Variants in SMN1 observed in about 807,000 individuals in gnomAD.
SMN1 encodes survival of motor neuron 1, telomeric, also known as survival motor neuron protein.
For synonymous variants in SMN1, 3 were observed against 5.1 expected (o/e 0.58, Z 0.56); for missense variants, 15 against 17.1 (o/e 0.88, Z 0.22).
chr5:70,952,075 T>C, intron 8 of SMN1, 81 bp downstream of exon 8: 3 of 1,602,680 alleles, frequency 1.9e-6, no homozygotes, highest in Non-Finnish European at 2.6e-6. Flanking sequence ...TTTTGAACAT[T>C]TAAAAAGTTC....
chr5:70,950,451 T>G (rs1225252131), intron 7 of SMN1, among the ~76,000 whole-genome samples: 1 of 149,994 alleles, frequency 6.7e-6, no homozygotes, highest in East Asian at 2.0e-4. Context: ...TTTTTTAAAT[T>G]AATTAGTTTA....
At position 70,952,042 on chromosome 5, in the gene SMN1, T is replaced by C. The variant is rs1403395243; in HGVS notation, c.*3+48T>C. 9.9e-6 allele frequency: 16 copies of C among 1,609,208 alleles called. No homozygotes were observed. The East Asian group carries it at 2.0e-4, about 20-fold the overall frequency. Reference sequence around the variant, plus strand: ...AGTGAATCTTACTTTTGTAAAACTTTATGGTTTGTGGAAAACAAATGTTTT... The same window carrying C: ...AGTGAATCTTACTTTTGTAAAACTTCATGGTTTGTGGAAAACAAATGTTTT... On this transcript the variant is annotated intron_variant, in intron 8 of 8. Transcript: ENST00000380707.
chr5:70,951,526 C>T (rs1285588657), intron 7 of SMN1, among the ~76,000 whole-genome samples: 13 of 150,744 alleles, frequency 8.6e-5, no homozygotes, highest in East Asian at 1.9e-4. Flanking sequence ...CCAACTGTCT[C>T]GGCCTCCCAA....
Position 70,951,981 on chromosome 5 carries a change from C to T in SMN1, c.875C>T (p.Ser292Phe), listed in dbSNP as rs752943507. The T allele has an allele frequency of 5.6e-6, 9 of 1,612,808 alleles. No homozygotes were observed. The highest frequency in any genetic ancestry group is 1.7e-6 in the Non-Finnish European group (2 of 1,179,376). Residue 292 changes from serine (S) to phenylalanine (F), a missense_variant, in exon 8 of 9, where the codon TCC (serine) becomes TTC (phenylalanine). By Grantham distance (155) the Ser-to-Phe change is radical (BLOSUM62 -2). Transcript: ENST00000380707. ...QNQKEGRCSH[S>F]LN ...CAAAAAGAAGGAAGGTGCTCACATT[C>T]CTTAAATTAAGGAGTAAGTCTGCCA...
downstream of SMN1, among the ~76,000 whole-genome samples, chr5:70,957,575 CAT>C (rs1300763141): frequency 4.1e-5 from 6 of 146,680 alleles, no homozygotes; most frequent in Non-Finnish European, 9.0e-5. Context: ...TTGAGATAAT[CAT>C]GTGGTTTTTG....
At position 70,950,175 on chromosome 5, in the gene SMN1, T is replaced by G. The variant is rs1749643881; in HGVS notation, c.835-1766T>G. 1.3e-5 allele frequency among the ~76,000 whole-genome samples: 2 copies of G among 150,040 alleles called. 1 individual carries two copies. The highest frequency in any genetic ancestry group is 1.3e-4 in the Admixed American group (2 of 14,882). The stretch of plus-strand genomic sequence containing the variant: ...GCTCACGCCGGTAATCCCAACACTT[T>G]GGGAGGCCAAGGCGGGTGAATCACC... On this transcript the variant is annotated intron_variant, in intron 7 of 8. Coordinates refer to ENST00000380707, the MANE Select transcript of SMN1 (RefSeq NM_000344.4).
At chr5:70,955,717 G>A (rs1467241692), downstream of SMN1, among the ~76,000 whole-genome samples, 2 of 148,272 alleles carry the variant, frequency 1.3e-5, no homozygotes, top group Admixed American at 6.7e-5. Context: ...CCCAGGAGGC[G>A]GAGGTTGCAG....
chr5:70,954,618 C>T (rs1193293457), downstream of SMN1, among the ~76,000 whole-genome samples: 1 of 31,518 alleles, frequency 3.2e-5, no homozygotes, highest in Non-Finnish European at 7.2e-5. Context: ...TTTGGGAGGC[C>T]GAGGCGGGTG....
At chr5:70,950,918 C>T (rs572894032) in intron 7 of SMN1, among the ~76,000 whole-genome samples, 5 of 151,012 alleles carry the variant, frequency 3.3e-5, no homozygotes, top group East Asian at 3.9e-4. Flanking sequence ...GGATTATAGG[C>T]GTGAGCCACT....
downstream of SMN1, among the ~76,000 whole-genome samples, chr5:70,958,913 C>T (rs1331256082): frequency 2.0e-5 from 3 of 149,980 alleles, no homozygotes; most frequent in Non-Finnish European, 4.5e-5. Context: ...TGGGTATATA[C>T]CCAAAGGACT....
At chr5:70,955,295 T>A (rs1339538265), downstream of SMN1, among the ~76,000 whole-genome samples, 3 of 141,444 alleles carry the variant, frequency 2.1e-5, no homozygotes, top group African/African-American at 7.7e-5. Flanking sequence ...TTTTTGGTAG[T>A]GACATGATCT....
At chr5:70,960,204 CTATT>C in the SMN1 span, among the ~76,000 whole-genome samples, 4 of 150,122 alleles carry the variant, frequency 2.7e-5, no homozygotes, top group Admixed American at 1.3e-4. Context: ...ACCATTTTAA[CTATT>C]TGTTTTTATT....
intron 1 of SMN1, among the ~76,000 whole-genome samples, chr5:70,935,776 A>AAC (rs1252639650): frequency 6.8e-6 from 1 of 147,592 alleles, no homozygotes; most frequent in East Asian, 2.0e-4. Context: ...AACAAAACAA[A>AAC]AAAAAAACAG....
chr5:70,955,701 C>T (rs1261693205), downstream of SMN1, among the ~76,000 whole-genome samples: 7 of 148,250 alleles, frequency 4.7e-5, 2 homozygotes, highest in African/African-American at 1.8e-4. Context: ...ATGAGAATCA[C>T]TTGAACCCAG....
chr5:70,958,859 G>T (rs1040234338), downstream of SMN1, among the ~76,000 whole-genome samples: 20 of 150,204 alleles, frequency 1.3e-4, 2 homozygotes, highest in Admixed American at 5.3e-4. Context: ...GATTCCTCAG[G>T]GATCTAGAAC....
In SMN1 at chr5:70,948,241, G is replaced by GTTTACC. The variant is rs1195794702; in HGVS notation, c.834+2069_834+2074dup. Among the ~76,000 whole-genome samples the GTTTACC allele has an allele frequency of 1.4e-5, 2 of 141,242 alleles. 1 individual carries two copies. Among genetic ancestry groups the GTTTACC allele is most frequent in the African/African-American group, 5.4e-5 (2 of 36,844 alleles). 92.7% of individuals were successfully genotyped at this position (141,242 alleles called of 152,430 possible). On this transcript the variant is annotated intron_variant, in intron 7 of 8. Coordinates refer to ENST00000380707, the MANE Select transcript of SMN1 (RefSeq NM_000344.4). ...TGAGAAATAATTCACATGGTGTGCA[G>GTTTACC]TTTACCTTTGAAAGTATACAAGTTG...
intron 5 of SMN1, among the ~76,000 whole-genome samples, chr5:70,943,810 A>T (rs1334286907): frequency 6.9e-6 from 1 of 144,138 alleles, no homozygotes; most frequent in Non-Finnish European, 1.6e-5. Flanking sequence ...TTTTTTCGAG[A>T]TGGAGTCTTG....
At chr5:70,957,561 T>G (rs1379541712), downstream of SMN1, among the ~76,000 whole-genome samples, 1 of 148,330 alleles carries the variant, frequency 6.7e-6, no homozygotes, top group Non-Finnish European at 1.5e-5. Context: ...CTTTTCTGCA[T>G]CTATTGAGAT....
intron 7 of SMN1, among the ~76,000 whole-genome samples, chr5:70,950,590 AT>A (rs1481614924): frequency 1.4e-5 from 2 of 141,188 alleles, no homozygotes; most frequent in Non-Finnish European, 3.1e-5. Context: ...AGTAGCTGTG[AT>A]TACAGCCATA....
Sources: gnomAD v4.1 joint callset for allele counts (sites outside exome capture counted in the v4.1 genomes callset) on GRCh38, gnomAD v4.1.1 for gene constraint, MANE v1.5 for transcripts, NCBI Gene and HGNC (gene_info 2026-07-23, HGNC 2026-07-21) for gene names.